KCNQ1: variants seen among roughly 807,000 people sequenced by gnomAD.
The protein encoded by KCNQ1 is potassium voltage-gated channel subfamily Q member 1.
A neutral mutation model predicts 72.4 loss-of-function variants in KCNQ1; 49 were observed. The ratio of observed to expected loss-of-function variants is 0.68; its 90% CI spans 0.54 to 0.86. KCNQ1 has a LOEUF of 0.86. Ranked by LOEUF, KCNQ1 falls within the 40% of genes least tolerant of loss-of-function variation. The pLI is 0.00. For missense variants in KCNQ1, 790 were observed against 945.1 expected (o/e 0.84, Z 2.15); for synonymous variants, 450 against 412.6 (o/e 1.09, Z -1.10).
intron 2 of KCNQ1, among the ~76,000 whole-genome samples, chr11:2,532,590 C>T (rs1478758818): frequency 1.3e-5 from 2 of 152,024 alleles, no homozygotes; most frequent in African/African-American, 4.8e-5. Context: ...GAGACTGAGG[C>T]GTGGGCTCTG....
intron 11 of KCNQ1, chr11:2,681,915 C>T (rs181326045): frequency 1.8e-5 from 7 of 398,614 alleles, no homozygotes; most frequent in Admixed American, 4.4e-5. Flanking sequence ...AATGAACACA[C>T]GTTTAGGCTG....
At chr11:2,801,292 G>T (rs980737930) in intron 15 of KCNQ1, among the ~76,000 whole-genome samples, 19 of 152,232 alleles carry the variant, frequency 1.2e-4, no homozygotes, top group African/African-American at 4.3e-4. Flanking sequence ...CCCTGTGCCT[G>T]TAGGGGCGGG....
chr11:2,835,567 C>T lies in KCNQ1; in HGVS notation c.1795-12200C>T, dbSNP rs562318946. 3.6e-4 allele frequency among the ~76,000 whole-genome samples: 55 copies of T among 152,314 alleles called. 1 individual carries two copies. The South Asian group carries it at 9.1e-3, about 25-fold the overall frequency. On this transcript the variant is annotated intron_variant, in intron 15 of 15. Transcript: ENST00000155840. Reference sequence around the variant, plus strand: ...ACCTACTGTGTGCCAGGCAGTGGTACAGCAAGGGCAGAAGCCCCACCTCCA... The same window carrying T: ...ACCTACTGTGTGCCAGGCAGTGGTATAGCAAGGGCAGAAGCCCCACCTCCA...
Position 2,657,496 on chromosome 11 carries a change from T to G in KCNQ1, c.1394-4465T>G. The G allele has an allele frequency of 2.5e-6, 1 of 398,614 alleles. No individual in the cohort carries two copies. Among genetic ancestry groups the G allele is most frequent in the East Asian group, 3.6e-5 (1 of 28,056 alleles). The allele number at this position is 398,614 out of a possible 1,614,324, so 24.7% of individuals were successfully genotyped here. On this transcript the variant is annotated intron_variant, in intron 10 of 15. Coordinates refer to ENST00000155840, the MANE Select transcript of KCNQ1 (RefSeq NM_000218.3). The surrounding 1 kb of genome is among the most constrained non-coding windows in gnomAD (Gnocchi z 4.8). Reference sequence around the variant, plus strand: ...GTTTTCTCTTGTTACCTCACATTTTTTATTTACAGAAGAGAAACAAAAATA... The same window carrying G: ...GTTTTCTCTTGTTACCTCACATTTTGTATTTACAGAAGAGAAACAAAAATA...
intron 11 of KCNQ1, among the ~76,000 whole-genome samples, chr11:2,721,191 A>T (rs1478712998): frequency 6.6e-5 from 10 of 152,184 alleles, no homozygotes; most frequent in Admixed American, 6.5e-4. Flanking sequence ...ACAACTCGAC[A>T]AGTTACGAAA....
rs1186370175 is a variant in KCNQ1 at position 2,674,751 on chromosome 11, G to A, written c.1514+12670G>A. On this transcript the variant is annotated intron_variant, in intron 11 of 15. Transcript: ENST00000155840. This position sits in a 1 kb window ranked among gnomAD's most constrained non-coding sequence, Gnocchi z 5.9. ...ACTCGTTAAAGTTGCTCCAATCCCA[G>A]CCCAGTGCCAGACCAGCTTCCTGGA... 2.6e-6 allele frequency: 1 copy of A among 385,942 alleles called. No individual in the cohort carries two copies. Among genetic ancestry groups the A allele is most frequent in the Non-Finnish European group, 4.5e-6 (1 of 221,992 alleles). The allele number at this position is 385,942 out of a possible 1,614,324, so 23.9% of individuals were successfully genotyped here.
chr11:2,510,951 G>T (rs764823676), intron 1 of KCNQ1, among the ~76,000 whole-genome samples: 1 of 152,138 alleles, frequency 6.6e-6, no homozygotes, highest in Non-Finnish European at 1.5e-5. Context: ...CTCTCTACCC[G>T]ATTCAGATCC....
rs146811302 is a variant in KCNQ1 at position 2,541,857 on chromosome 11, C to G, written c.477+13839C>G. 5.2e-3 allele frequency among the ~76,000 whole-genome samples: 795 copies of G among 152,292 alleles called. 6 individuals are homozygous for G. Among genetic ancestry groups the G allele is most frequent in the African/African-American group, 0.018 (767 of 41,548 alleles). On this transcript the variant is annotated intron_variant, in intron 2 of 15. Coordinates refer to ENST00000155840, the MANE Select transcript of KCNQ1 (RefSeq NM_000218.3). The surrounding 1 kb of genome is among the most constrained non-coding windows in gnomAD (Gnocchi z 4.8). ...TGTCAGAGGCGCTGAGGCCCAGGTC[C>G]TGTGGCTGGTCCTCGCATAGACATC...
At position 2,468,626 on chromosome 11, in the gene KCNQ1, C is replaced by T. The variant is rs933978221; in HGVS notation, c.386+23142C>T. 5.3e-5 allele frequency among the ~76,000 whole-genome samples: 8 copies of T among 152,188 alleles called. No homozygotes were observed. The highest frequency in any genetic ancestry group is 2.1e-4 in the South Asian group (1 of 4,832). ...GCCACTGCTGCCCTACCATCAGGCA[C>T]GATGGATGGGCTTGTGCCTTGTGGA... On this transcript the variant is annotated intron_variant, in intron 1 of 15. Coordinates refer to ENST00000155840, the MANE Select transcript of KCNQ1 (RefSeq NM_000218.3). This position sits in a 1 kb window ranked among gnomAD's most constrained non-coding sequence, Gnocchi z 5.7.
chr11:2,609,625 G>C, intron 10 of KCNQ1: 1 of 398,310 alleles, frequency 2.5e-6, no homozygotes. Context: ...GAGTGTTGAA[G>C]TCTCCAACTA....
intron 1 of KCNQ1, among the ~76,000 whole-genome samples, chr11:2,499,576 C>T (rs1846976732): frequency 6.8e-6 from 1 of 147,592 alleles, no homozygotes. Flanking sequence ...AAACACATTT[C>T]AACCTATAAA....
At position 2,772,450 on chromosome 11, in the gene KCNQ1, G is replaced by A. The variant is rs987430196; in HGVS notation, c.1591-3510G>A. Among the ~76,000 whole-genome samples, 2 of 152,042 alleles carry A rather than the reference G, an allele frequency of 1.3e-5. No individual in the cohort carries two copies. Among genetic ancestry groups the A allele is most frequent in the African/African-American group, 4.8e-5 (2 of 41,398 alleles). Reference sequence around the variant, plus strand: ...GCTCATCTCAGGCTCCTGAAGTCAGGATGATCTTTCCAGCCCAACCCCAGA... The same window carrying A: ...GCTCATCTCAGGCTCCTGAAGTCAGAATGATCTTTCCAGCCCAACCCCAGA... On this transcript the variant is annotated intron_variant, in intron 12 of 15. Coordinates refer to ENST00000155840, the MANE Select transcript of KCNQ1 (RefSeq NM_000218.3). This position sits in a 1 kb window ranked among gnomAD's most constrained non-coding sequence, Gnocchi z 6.6.
At chr11:2,718,351 C>A (rs986090563) in intron 11 of KCNQ1, among the ~76,000 whole-genome samples, 12 of 152,212 alleles carry the variant, frequency 7.9e-5, no homozygotes, top group Non-Finnish European at 1.6e-4. Context: ...ATCTGGCTGA[C>A]CCCCTCCTCA....
At position 2,562,449 on chromosome 11, in the gene KCNQ1, G is replaced by C. The variant is rs1030521427; in HGVS notation, c.478-8179G>C. On this transcript the variant is annotated intron_variant, in intron 2 of 15. Transcript: ENST00000155840. This position sits in a 1 kb window ranked among gnomAD's most constrained non-coding sequence, Gnocchi z 7.5. ...GGCTTATCAGGGCCGGGCCGGTGTG[G>C]AGTTGGAACAGCTGGCCCCAAAGCC... Among the ~76,000 whole-genome samples the C allele has an allele frequency of 1.3e-5, 2 of 152,204 alleles. No homozygotes were observed. The highest frequency in any genetic ancestry group is 2.9e-5 in the Non-Finnish European group (2 of 68,012).
intron 2 of KCNQ1, among the ~76,000 whole-genome samples, chr11:2,546,254 G>T (rs185531668): frequency 6.6e-6 from 1 of 152,236 alleles, no homozygotes; most frequent in East Asian, 1.9e-4. Flanking sequence ...GGATTTTCAA[G>T]ATACCTTTCT....
rs949205362 is a variant in KCNQ1 at position 2,509,457 on chromosome 11, G to T, written c.387-18471G>T. Reference sequence around the variant, plus strand: ...GGGAGGCTGGGTCTGTGCTGTGTGGGGGGTGTTTGGTGTCCTAGGAGGAGT... The same window carrying T: ...GGGAGGCTGGGTCTGTGCTGTGTGGTGGGTGTTTGGTGTCCTAGGAGGAGT... On this transcript the variant is annotated intron_variant, in intron 1 of 15. Transcript: ENST00000155840. The surrounding 1 kb of genome is among the most constrained non-coding windows in gnomAD (Gnocchi z 6.3). Among the ~76,000 whole-genome samples, 1 of 152,144 alleles carries T rather than the reference G, an allele frequency of 6.6e-6. No homozygotes were observed. The highest frequency in any genetic ancestry group is 2.1e-4 in the South Asian group (1 of 4,826).
Position 2,471,939 on chromosome 11 carries a change from C to T in KCNQ1, c.386+26455C>T, listed in dbSNP as rs929158046. On this transcript the variant is annotated intron_variant, in intron 1 of 15. Transcript: ENST00000155840. This position sits in a 1 kb window ranked among gnomAD's most constrained non-coding sequence, Gnocchi z 4.8. ...ATGTGTGTATAGGCGTGTATGTGTG[C>T]GCGTGTGTAGGTGTGTGTTCATATA... 4.8e-5 allele frequency among the ~76,000 whole-genome samples: 7 copies of T among 144,638 alleles called. No individual in the cohort carries two copies. Among genetic ancestry groups the T allele is most frequent in the Admixed American group, 2.1e-4 (3 of 14,630 alleles). The allele number at this position is 144,638 out of a possible 152,430, so 94.9% of individuals were successfully genotyped here.
intron 1 of KCNQ1, chr11:2,461,366 G>T: frequency 8.3e-7 from 1 of 1,198,408 alleles, no homozygotes; most frequent in South Asian, 1.4e-5. Flanking sequence ...GCTCTGTCCG[G>T]GAAGGGAACC....
chr11:2,728,561 T>C (rs1008531240), intron 11 of KCNQ1, among the ~76,000 whole-genome samples: 2 of 152,208 alleles, frequency 1.3e-5, no homozygotes, highest in Non-Finnish European at 2.9e-5. Context: ...TAAAACACTC[T>C]GGCACAGCCC....
Sources: allele counts gnomAD v4.1 joint callset (sites outside exome capture counted in the v4.1 genomes callset), GRCh38; gene constraint gnomAD v4.1.1; non-coding constraint Gnocchi (gnomAD v3.1); transcripts MANE v1.5; gene names NCBI Gene and HGNC (gene_info 2026-07-23, HGNC 2026-07-21).